Variants in CTBP2 observed in about 807,000 individuals in gnomAD.
CTBP2 encodes C-terminal binding protein 2, also known as C-terminal-binding protein 2.
CTBP2 carries 30 observed loss-of-function variants against 80.3 expected under a neutral mutation model. That is an observed-to-expected ratio of 0.37 (90% confidence interval 0.28 to 0.51). The LOEUF (loss-of-function observed/expected upper bound fraction) is 0.51, where lower values mean the gene tolerates loss of function less well. Among genes scored for constraint, CTBP2 ranks in the 20% least tolerant of loss-of-function variants. The pLI is 0.93. For missense variants in CTBP2, 1,212 were observed against 1,375.3 expected (o/e 0.88, Z 1.88); for synonymous variants, 594 against 587.4 (o/e 1.01, Z -0.16).
intron 2 of CTBP2, among the ~76,000 whole-genome samples, chr10:125,040,912 A>G (rs1328183678): frequency 6.6e-6 from 1 of 152,234 alleles, no homozygotes; most frequent in Non-Finnish European, 1.5e-5. Flanking sequence ...CACATAAATA[A>G]TTAATGTAAC....
chr10:125,146,663 G>A (rs1485524837), intron 1 of CTBP2, among the ~76,000 whole-genome samples: 1 of 152,120 alleles, frequency 6.6e-6, no homozygotes, highest in Non-Finnish European at 1.5e-5. Context: ...CTCTGAAGGT[G>A]ACAAACTAAC....
intron 8 of CTBP2, among the ~76,000 whole-genome samples, chr10:124,991,574 T>C (rs763249445): frequency 1.3e-5 from 2 of 152,100 alleles, no homozygotes; most frequent in Non-Finnish European, 2.9e-5. Context: ...ACAAACTGAA[T>C]GCACCCTGGT....
At chr10:125,056,181 AT>A (rs1564815126) in intron 2 of CTBP2, among the ~76,000 whole-genome samples, 1 of 149,872 alleles carries the variant, frequency 6.7e-6, no homozygotes, top group African/African-American at 2.4e-5. Flanking sequence ...AAAAATAATA[AT>A]AATAATAATA....
At chr10:125,106,590 G>A (rs116947712) in intron 2 of CTBP2, among the ~76,000 whole-genome samples, 1,733 of 152,304 alleles carry the variant, frequency 0.011, 27 homozygotes, top group South Asian at 0.08. Context: ...CCAGCATAAC[G>A]TCACTCAGTG....
intron 1 of CTBP2, among the ~76,000 whole-genome samples, chr10:125,015,249 G>C (rs1956352154): frequency 6.6e-6 from 1 of 152,232 alleles, no homozygotes; most frequent in Non-Finnish European, 1.5e-5. Context: ...TTGCCAGCAA[G>C]TGACCAACAC....
intron 1 of CTBP2, among the ~76,000 whole-genome samples, chr10:125,006,251 G>A (rs1271539643): frequency 2.0e-5 from 3 of 147,616 alleles, no homozygotes; most frequent in African/African-American, 7.4e-5. Flanking sequence ...CGGGAAAAGA[G>A]AAAAGCCAAC....
chr10:125,052,189 G>A (rs1310990493), intron 2 of CTBP2, among the ~76,000 whole-genome samples: 1 of 152,204 alleles, frequency 6.6e-6, no homozygotes, highest in Non-Finnish European at 1.5e-5. Flanking sequence ...GTGATGCAGG[G>A]GCAGCAATCT....
chr10:125,115,764 T>C (rs57137921), intron 1 of CTBP2, among the ~76,000 whole-genome samples: 14,957 of 152,180 alleles, frequency 0.098, 1,023 homozygotes, highest in African/African-American at 0.18. Context: ...TGGTTAGGCA[T>C]CCCAAGCGTT....
intron 1 of CTBP2, among the ~76,000 whole-genome samples, chr10:125,148,509 T>G (rs1388125015): frequency 6.6e-6 from 1 of 152,178 alleles, no homozygotes; most frequent in Non-Finnish European, 1.5e-5. Flanking sequence ...TGAGAAATAT[T>G]TTAAAAGACT....
In CTBP2 at chr10:125,149,149, G is replaced by C. The variant is rs1344649606; in HGVS notation, c.-206+11170C>G. Among the ~76,000 whole-genome samples the C allele has an allele frequency of 3.3e-5, 5 of 152,298 alleles. No individual in the cohort carries two copies. The East Asian group carries it at 5.8e-4, about 18-fold the overall frequency. On this transcript the variant is annotated intron_variant, in intron 1 of 10. Transcript: ENST00000337195. Reference sequence around the variant, plus strand: ...AGGACAGGGGACACACCATAGACACGACATGGGCTCTGGAAGACCACTCAC... The same window carrying C: ...AGGACAGGGGACACACCATAGACACCACATGGGCTCTGGAAGACCACTCAC...
intron 2 of CTBP2, among the ~76,000 whole-genome samples, chr10:125,098,694 G>C (rs866023804): frequency 2.0e-3 from 271 of 135,818 alleles, no homozygotes; most frequent in Non-Finnish European, 2.8e-3. Flanking sequence ...GAGAGAGAGA[G>C]AGAGAGAGAG....
chr10:125,073,499 C>G (rs11245492), intron 2 of CTBP2, among the ~76,000 whole-genome samples: 12 of 152,182 alleles, frequency 7.9e-5, no homozygotes, highest in African/African-American at 2.9e-4. Context: ...CCTTGGCCCC[C>G]CAAAGTGCTG....
rs571514166 is a variant in CTBP2, at chr10:125,159,630, C to T, written c.-206+689G>A. ...GCGCTCCCGGGGAGCCGCGCGGGATCCCCCGCCGGCAGGGGCAGCGCCCCT... is the reference window on the plus strand; with the variant it reads ...GCGCTCCCGGGGAGCCGCGCGGGATTCCCCGCCGGCAGGGGCAGCGCCCCT... On this transcript the variant is annotated intron_variant, in intron 1 of 10. Transcript: ENST00000337195. Among the ~76,000 whole-genome samples the T allele has an allele frequency of 8.3e-3, 1,247 of 150,510 alleles. 18 individuals carry two copies. The highest frequency in any genetic ancestry group is 0.028 in the African/African-American group (1,177 of 41,380).
chr10:125,059,311 T>C (rs559413685), intron 2 of CTBP2, among the ~76,000 whole-genome samples: 1 of 152,190 alleles, frequency 6.6e-6, no homozygotes, highest in African/African-American at 2.4e-5. Flanking sequence ...CCGGGCATGG[T>C]GTTTCACGCT....
chr10:125,132,152 G>A (rs1012551412), intron 1 of CTBP2, among the ~76,000 whole-genome samples: 4 of 152,156 alleles, frequency 2.6e-5, no homozygotes, highest in African/African-American at 9.7e-5. Context: ...GTGGAATTTC[G>A]TTGACCAATT....
chr10:124,989,620 T>A lies in CTBP2; in HGVS notation c.2856A>T (p.Pro952=). 6.2e-7 allele frequency: 1 copy of A among 1,612,388 alleles called. No individual in the cohort carries two copies. Among genetic ancestry groups the A allele is most frequent in the South Asian group, 1.1e-5 (1 of 90,720 alleles). Residue 952 remains proline, a synonymous_variant, in exon 9 of 9, where the codon CCA becomes CCT. Transcript: ENST00000309035. ...CCACTGTCGGGAGGTTGTGAGTCAC[T>A]GGGATGCCTCCAGGGATGATCCCTT...
chr10:125,031,605 G>T (rs1398989420), upstream of CTBP2, among the ~76,000 whole-genome samples: 2 of 152,050 alleles, frequency 1.3e-5, no homozygotes, highest in East Asian at 1.9e-4. Context: ...AGGGTGGGAG[G>T]CCACACCAAA....
intron 2 of CTBP2, among the ~76,000 whole-genome samples, chr10:125,056,547 C>T (rs1351017029): frequency 7.9e-5 from 12 of 152,196 alleles, no homozygotes; most frequent in Non-Finnish European, 4.4e-5. Context: ...AACATCACAA[C>T]ACAGCGGCCC....
At chr10:125,089,106 T>C (rs1357436688) in intron 2 of CTBP2, among the ~76,000 whole-genome samples, 2 of 152,212 alleles carry the variant, frequency 1.3e-5, no homozygotes, top group Non-Finnish European at 2.9e-5. Flanking sequence ...ATTTGTCACT[T>C]ATGCCTCAAA....
Sources: gnomAD v4.1 joint callset for allele counts (sites outside exome capture counted in the v4.1 genomes callset) on GRCh38, gnomAD v4.1.1 for gene constraint, MANE v1.5 for transcripts, NCBI Gene and HGNC (gene_info 2026-07-23, HGNC 2026-07-21) for gene names.